Variants in PKP1 observed in about 807,000 individuals in gnomAD.
The protein encoded by PKP1 is plakophilin-1.
In PKP1, 27 loss-of-function variants were observed where a neutral mutation model predicts 76.4. That is an observed-to-expected ratio of 0.35 (90% CI 0.26 to 0.49). PKP1 has a LOEUF of 0.49. PKP1 is among the 20% of genes least tolerant of loss of function. The pLI is 0.99. For synonymous variants in PKP1, 404 were observed against 384.2 expected, an observed-to-expected ratio of 1.05 and a Z score of -0.60; for missense variants, 964 against 955.2, an observed-to-expected ratio of 1.01 and a Z score of -0.12.
Position 201,318,789 on chromosome 1 carries a change from G to T in PKP1, c.1226G>T (p.Cys409Phe). 6.2e-7 allele frequency: 1 copy of T among 1,601,202 alleles called. No homozygotes were observed. The highest frequency in any genetic ancestry group is 1.7e-5 in the Admixed American group (1 of 58,400). ...GAGGTCTTCTTCAATGCCACAGGCT[G>T]CTTGAGGTGAGAGAAGAGGATACAT... ...DPEVFFNATG[C>F]LRNLSSADAG... The change falls in exon 6 of 14, where the codon TGC becomes TTC. Residue 409 changes from cysteine to phenylalanine, a missense_variant. Physicochemically the swap from Cys to Phe is radical, Grantham distance 205 (BLOSUM62 -2). Transcript: ENST00000367324.
chr1:201,309,209 T>C (rs1201310512), intron 2 of PKP1, among the ~76,000 whole-genome samples: 2 of 151,886 alleles, frequency 1.3e-5, no homozygotes, highest in African/African-American at 2.4e-5. Context: ...TCTGAGAGCT[T>C]CCTGACTTAA....
chr1:201,315,798 A>T (rs1335904674), intron 3 of PKP1, among the ~76,000 whole-genome samples: 5 of 152,246 alleles, frequency 3.3e-5, no homozygotes, highest in Non-Finnish European at 7.3e-5. Context: ...AGTATGGAGA[A>T]GCCGCTGATG....
At chr1:201,307,458 G>A (rs1656404369) in intron 2 of PKP1, among the ~76,000 whole-genome samples, 1 of 152,222 alleles carries the variant, frequency 6.6e-6, no homozygotes, top group Non-Finnish European at 1.5e-5. Context: ...GACTCAGACT[G>A]CTGAATAAGC....
rs10920175 is a variant in PKP1, at chr1:201,331,714, T to A, written c.*1673T>A. The A allele has an allele frequency of 6.6e-6, 1 of 152,216 alleles. No individual in the cohort carries two copies. Among genetic ancestry groups the A allele is most frequent in the South Asian group, 2.1e-4 (1 of 4,824 alleles). 9.4% of individuals were successfully genotyped at this position (152,216 alleles called of 1,614,324 possible). On this transcript the variant is annotated 3_prime_UTR_variant, in exon 14 of 14. Transcript: ENST00000367324. ...AAACACTGATGTGGACTCAGTATGA[T>A]AACTGAGATGGGGGACGCCAGACAT...
At chr1:201,296,555 C>T (rs1057114502) in intron 2 of PKP1, among the ~76,000 whole-genome samples, 11 of 152,194 alleles carry the variant, frequency 7.2e-5, no homozygotes, top group Admixed American at 6.5e-4. Context: ...TATATTCACT[C>T]GGTCAGCCAA....
chr1:201,322,897 A>T, intron 8 of PKP1, 116 bp from the exon 9 acceptor site: 1 of 1,092,466 alleles, frequency 9.2e-7, no homozygotes, highest in Non-Finnish European at 1.3e-6. Context: ...GCGCTTCCTC[A>T]GCTTGCCCTA....
intron 12 of PKP1, chr1:201,328,544 G>C (rs1657216545): frequency 1.6e-6 from 1 of 609,014 alleles, no homozygotes. Context: ...ATTCACATGT[G>C]TCAGTGGAAG....
chr1:201,306,262 G>C (rs1238893975), intron 2 of PKP1, among the ~76,000 whole-genome samples: 1 of 152,246 alleles, frequency 6.6e-6, no homozygotes, highest in African/African-American at 2.4e-5. Flanking sequence ...AGTGGAGACA[G>C]AGCTGATGCA....
intron 1 of PKP1, among the ~76,000 whole-genome samples, chr1:201,287,314 C>T (rs1288042772): frequency 2.0e-5 from 3 of 152,162 alleles, no homozygotes; most frequent in Admixed American, 6.5e-5. Flanking sequence ...CATGCTTGTA[C>T]GAACTCCGCA....
chr1:201,313,285 C>A lies in PKP1; in HGVS notation c.426C>A (p.Ser142Arg). The change falls in exon 3 of 14, where the codon AGC (serine) becomes AGA (arginine). Residue 142 changes from serine (S) to arginine (R), a missense_variant. Coordinates refer to ENST00000367324, the MANE Select transcript of PKP1 (RefSeq NM_001005337.3). ...RGSCNTTGAG[S>R]DICFMQKIKA... The stretch of plus-strand genomic sequence containing the variant: ...GCTGTAACACCACCGGCGCAGGCAG[C>A]GACATCTGCTTCATGCAGAAAATCA... 2 of 1,603,042 alleles carry A rather than the reference C, an allele frequency of 1.2e-6. No homozygotes were observed. Among genetic ancestry groups the A allele is most frequent in the Non-Finnish European group, 8.5e-7 (1 of 1,175,288 alleles).
chr1:201,291,621 A>G (rs1655919970), intron 1 of PKP1, among the ~76,000 whole-genome samples: 1 of 152,216 alleles, frequency 6.6e-6, no homozygotes, highest in African/African-American at 2.4e-5. Flanking sequence ...TCATAGCAGG[A>G]GGCCTCCCCG....
rs1655776975 is a variant in PKP1, at chr1:201,287,548, A to G, written c.202+3644A>G. 2.0e-5 allele frequency among the ~76,000 whole-genome samples: 3 copies of G among 152,332 alleles called. No individual in the cohort carries two copies. The South Asian group carries it at 6.2e-4, about 32-fold the overall frequency. On this transcript the variant is annotated intron_variant, in intron 1 of 13. Transcript: ENST00000367324. ...GGCTATGTGTGCTTTAGCTTGTTCC[A>G]TTGGCGAAACATACCAATTAAACTT... is the stretch of plus-strand genomic sequence containing the variant.
rs1036395937 is a variant in PKP1 at position 201,325,846 on chromosome 1, C to T, written c.2106+8C>T. 15 of 1,599,774 alleles carry T rather than the reference C, an allele frequency of 9.4e-6. No homozygotes were observed. In the East Asian group the frequency reaches 3.1e-4, roughly 33 times the overall value. ...CAGGGTGTCCTCAGACAGGTAAGAG[C>T]CCAGGACATCATCCTCTTCTGAGGT... On this transcript the variant is annotated splice_region_variant and intron_variant, in intron 12 of 13. Coordinates refer to ENST00000367324, the MANE Select transcript of PKP1 (RefSeq NM_001005337.3).
chr1:201,330,291 T>G lies in PKP1; in HGVS notation c.*250T>G, dbSNP rs1657278166. On this transcript the variant is annotated 3_prime_UTR_variant, in exon 14 of 14. Transcript: ENST00000367324. Reference sequence around the variant, plus strand: ...GGGGGCTTTCTTGAGTTAAAGGGGCTTATATGTGATGTCAATATTTCTTCC... The same window carrying G: ...GGGGGCTTTCTTGAGTTAAAGGGGCGTATATGTGATGTCAATATTTCTTCC... The G allele has an allele frequency of 1.3e-5, 2 of 152,124 alleles. No individual in the cohort carries two copies. The highest frequency in any genetic ancestry group is 4.2e-4 in the South Asian group (2 of 4,804). 9.4% of individuals were successfully genotyped at this position (152,124 alleles called of 1,614,324 possible).
chr1:201,326,476 T>C (rs961887734), intron 12 of PKP1, among the ~76,000 whole-genome samples: 3 of 152,212 alleles, frequency 2.0e-5, no homozygotes, highest in African/African-American at 7.2e-5. Context: ...GGCCTCTTCT[T>C]TCCCATTCCT....
At chr1:201,314,317 C>A (rs538345786) in intron 3 of PKP1, among the ~76,000 whole-genome samples, 1 of 152,220 alleles carries the variant, frequency 6.6e-6, no homozygotes, top group Admixed American at 6.5e-5. Flanking sequence ...CAAAAATTAG[C>A]CAAGCATGGT....
Position 201,325,825 on chromosome 1 carries a change from G to A in PKP1, c.2093G>A (p.Gly698Asp), listed in dbSNP as rs201628992. 1.9e-6 allele frequency: 3 copies of A among 1,613,590 alleles called. No homozygotes were observed. The East Asian group carries it at 6.7e-5, about 36-fold the overall frequency. The change falls in exon 12 of 14, where the codon GGT becomes GAT. Residue 698 changes from glycine to aspartate, a missense_variant. Transcript: ENST00000367324. ...ATGTGGTCCAGCAAGGAACTGCAGG[G>A]TGTCCTCAGACAGGTAAGAGCCCAG... is the stretch of plus-strand genomic sequence containing the variant. The part of the protein sequence containing the change: ...SDMWSSKELQ[G>D]VLRQQGFDRN...
At chr1:201,296,265 A>T (rs1558184205) in intron 2 of PKP1, among the ~76,000 whole-genome samples, 2 of 152,222 alleles carry the variant, frequency 1.3e-5, no homozygotes, top group Non-Finnish European at 2.9e-5. Context: ...AATCAGATGA[A>T]ACCTGGGCAA....
intron 12 of PKP1, among the ~76,000 whole-genome samples, chr1:201,326,737 G>A (rs542093236): frequency 5.3e-4 from 81 of 152,368 alleles, no homozygotes; most frequent in African/African-American, 1.8e-3. Flanking sequence ...CTACCATACA[G>A]AGTGGAGCTT....
Sources: allele counts gnomAD v4.1 joint callset (sites outside exome capture counted in the v4.1 genomes callset), GRCh38; gene constraint gnomAD v4.1.1; transcripts MANE v1.5; gene names NCBI Gene and HGNC (gene_info 2026-07-23, HGNC 2026-07-21).